PCDH9: variants seen among roughly 807,000 people sequenced by gnomAD.
PCDH9 encodes the protein protocadherin 9, also known as protocadherin-9.
Under a neutral mutation model 70.6 loss-of-function variants are expected in PCDH9, and 24 were observed. That is an observed-to-expected ratio of 0.34 (90% CI 0.25 to 0.48). The LOEUF (loss-of-function observed/expected upper bound fraction) is 0.48. PCDH9 is among the 20% of genes least tolerant of loss of function. The pLI, the probability that PCDH9 is intolerant of heterozygous loss-of-function variation, is 0.99. For missense variants in PCDH9, 1,281 were observed against 1,503.6 expected (o/e 0.85, Z 2.45); for synonymous variants, 562 against 558.5 (o/e 1.01, Z -0.09).
intron 4 of PCDH9, among the ~76,000 whole-genome samples, chr13:66,381,874 T>C (rs1593888117): frequency 1.3e-5 from 2 of 152,298 alleles, no homozygotes; most frequent in South Asian, 4.1e-4. Context: ...GACAGGAGTT[T>C]TTAAGTTGAC....
At chr13:67,149,355 A>G (rs1454682232) in intron 2 of PCDH9, among the ~76,000 whole-genome samples, 2 of 152,154 alleles carry the variant, frequency 1.3e-5, no homozygotes, top group Non-Finnish European at 2.9e-5. Context: ...AATATTTCTA[A>G]GTCTCATTTT....
At chr13:66,408,481 C>T (rs544428564) in intron 4 of PCDH9, among the ~76,000 whole-genome samples, 2 of 152,286 alleles carry the variant, frequency 1.3e-5, no homozygotes, top group South Asian at 4.1e-4. Context: ...ATCATGGATA[C>T]ACATGGATAC....
At chr13:67,064,313 T>G (rs1417930125) in intron 2 of PCDH9, among the ~76,000 whole-genome samples, 1 of 152,154 alleles carries the variant, frequency 6.6e-6, no homozygotes, top group Non-Finnish European at 1.5e-5. Flanking sequence ...GTGCAGCGAA[T>G]TTTAAATCCT....
intron 3 of PCDH9, among the ~76,000 whole-genome samples, chr13:66,869,449 CTAAGGTTT>C (rs2081633050): frequency 1.3e-5 from 2 of 152,024 alleles, no homozygotes; most frequent in African/African-American, 4.8e-5. Flanking sequence ...AAAAAATTTC[CTAAGGTTT>C]TACACCAGAA....
rs145011232 is a variant in PCDH9 at position 67,115,405 on chromosome 13, T to A, written c.3036+110000A>T. ...TGGTGGTTGAAGACAATGCATGTTCTGTGCAACCCACCCAGGAGCAGAAGG... is the reference window on the plus strand; with the variant it reads ...TGGTGGTTGAAGACAATGCATGTTCAGTGCAACCCACCCAGGAGCAGAAGG... On this transcript the variant is annotated intron_variant, in intron 2 of 4. Coordinates refer to ENST00000377865, the MANE Select transcript of PCDH9 (RefSeq NM_203487.3). Among the ~76,000 whole-genome samples, 10 of 152,324 alleles carry A rather than the reference T, an allele frequency of 6.6e-5. No individual in the cohort carries two copies. In the South Asian group the frequency reaches 2.1e-3, roughly 32 times the overall value.
At chr13:66,753,206 T>G (rs937133757) in intron 3 of PCDH9, among the ~76,000 whole-genome samples, 3 of 152,194 alleles carry the variant, frequency 2.0e-5, no homozygotes, top group Non-Finnish European at 4.4e-5. Flanking sequence ...GCCTTAAACA[T>G]TTTCATATCT....
intron 2 of PCDH9, chr13:67,215,994 C>T (rs1293515026): frequency 6.6e-6 from 1 of 152,106 alleles, no homozygotes; most frequent in Admixed American, 6.6e-5. Flanking sequence ...ACCAAAAGAT[C>T]ATCAGGAACC....
At chr13:66,331,207 T>C (rs2138117520) in intron 4 of PCDH9, among the ~76,000 whole-genome samples, 1 of 152,246 alleles carries the variant, frequency 6.6e-6, no homozygotes, top group Non-Finnish European at 1.5e-5. Context: ...AGAATTTATA[T>C]TGCATAAAAA....
intron 4 of PCDH9, among the ~76,000 whole-genome samples, chr13:66,421,880 C>G (rs1957574402): frequency 1.3e-5 from 2 of 152,148 alleles, no homozygotes; most frequent in Admixed American, 1.3e-4. Flanking sequence ...GATAAAGAGT[C>G]AAGACCCATC....
chr13:66,638,839 G>A (rs1369645124), intron 3 of PCDH9, among the ~76,000 whole-genome samples: 1 of 152,136 alleles, frequency 6.6e-6, no homozygotes, highest in African/African-American at 2.4e-5. Context: ...TAACTTTTAA[G>A]AGCCCTGCCC....
At chr13:66,471,400 C>A (rs547131827) in intron 4 of PCDH9, among the ~76,000 whole-genome samples, 8 of 152,228 alleles carry the variant, frequency 5.3e-5, no homozygotes, top group African/African-American at 1.9e-4. Flanking sequence ...AAGATTACTA[C>A]TGCAGAGATT....
In PCDH9 at chr13:66,862,558, T is replaced by A. The variant is rs1453952116; in HGVS notation, c.3138+40946A>T. Among the ~76,000 whole-genome samples the A allele has an allele frequency of 2.6e-5, 4 of 152,364 alleles. No individual in the cohort carries two copies. In the East Asian group the frequency reaches 7.7e-4, roughly 29 times the overall value. ...CAATGCCTGTTAAATTTAAAACTCCTGCTTTAACTTGATATGGATAGATGT... is the reference window on the plus strand; with the variant it reads ...CAATGCCTGTTAAATTTAAAACTCCAGCTTTAACTTGATATGGATAGATGT... On this transcript the variant is annotated intron_variant, in intron 3 of 4. Coordinates refer to ENST00000377865, the MANE Select transcript of PCDH9 (RefSeq NM_203487.3).
At chr13:66,421,218 A>G (rs1016805919) in intron 4 of PCDH9, among the ~76,000 whole-genome samples, 1 of 152,170 alleles carries the variant, frequency 6.6e-6, no homozygotes, top group African/African-American at 2.4e-5. Flanking sequence ...TATACCTGAA[A>G]GTAATGGGGA....
intron 3 of PCDH9, among the ~76,000 whole-genome samples, chr13:66,803,262 T>C (rs773836735): frequency 1.8e-4 from 27 of 152,248 alleles, no homozygotes; most frequent in Admixed American, 4.6e-4. Context: ...CAATTCCAAA[T>C]ACAGTAAATG....
intron 3 of PCDH9, among the ~76,000 whole-genome samples, chr13:66,806,472 A>G (rs1232650914): frequency 6.6e-6 from 1 of 152,024 alleles, no homozygotes; most frequent in East Asian, 1.9e-4. Flanking sequence ...TCTGCTGAAC[A>G]TTTGTGCCCA....
chr13:66,876,721 G>C (rs2081818292), intron 3 of PCDH9: 1 of 152,012 alleles, frequency 6.6e-6, no homozygotes, highest in Non-Finnish European at 1.5e-5. Context: ...AGAGAAAAGA[G>C]GTTTCTAGAG....
chr13:66,771,607 C>A (rs918983131), intron 3 of PCDH9, among the ~76,000 whole-genome samples: 3 of 152,144 alleles, frequency 2.0e-5, no homozygotes, highest in African/African-American at 7.2e-5. Context: ...CAGAAACTGG[C>A]AGATAATAAA....
intron 2 of PCDH9, among the ~76,000 whole-genome samples, chr13:66,983,268 G>A (rs2083813869): frequency 6.6e-6 from 1 of 151,904 alleles, no homozygotes; most frequent in Admixed American, 6.6e-5. Flanking sequence ...AATAATAAAT[G>A]AGATTAGGCA....
In PCDH9 at chr13:67,225,866, G is replaced by T; in HGVS notation, c.2575C>A (p.Pro859Thr). 1 of 1,613,886 alleles carries T rather than the reference G, an allele frequency of 6.2e-7. No individual in the cohort carries two copies. Among genetic ancestry groups the T allele is most frequent in the South Asian group, 1.1e-5 (1 of 91,052 alleles). The change falls in exon 2 of 5, where the codon CCA becomes ACA. Residue 859 changes from proline to threonine, a missense_variant. Around this residue, in one of 4 missense-constraint regions of PCDH9, gnomAD observed 207 missense variants for 191.8 expected, o/e 1.08. Coordinates refer to ENST00000377865, the MANE Select transcript of PCDH9 (RefSeq NM_203487.3). ...RSKQGAEWMSPNQENKQNKKK... is the reference protein window; with the variant it reads ...RSKQGAEWMSTNQENKQNKKK... The stretch of plus-strand genomic sequence containing the variant: ...TTGTTTTGCTTGTTCTCCTGGTTTG[G>T]GGACATCCATTCGGCACCTTGCTTG...
Sources: gnomAD v4.1 joint callset for allele counts (sites outside exome capture counted in the v4.1 genomes callset) on GRCh38, gnomAD v4.1.1 for gene constraint, gnomAD v4.1.1 regional missense constraint, MANE v1.5 for transcripts, NCBI Gene and HGNC (gene_info 2026-07-23, HGNC 2026-07-21) for gene names.